The following LAMA1 variants were observed in gnomAD, a reference collection of about 807,000 sequenced individuals.
LAMA1 encodes laminin subunit alpha 1, also known as laminin subunit alpha-1.
LAMA1 carries 219 observed loss-of-function variants against 348.7 expected under a neutral mutation model. The ratio of observed to expected loss-of-function variants is 0.63; its 90% CI spans 0.56 to 0.70. The LOEUF (loss-of-function observed/expected upper bound fraction) is 0.70. Ranked by LOEUF, LAMA1 falls within the 30% of genes least tolerant of loss-of-function variation. LAMA1 has a pLI of 0.00. For missense variants in LAMA1, 3,744 were observed against 3,888.0 expected (o/e 0.96, Z 0.99); for synonymous variants, 1,487 against 1,491.0 (o/e 1.00, Z 0.06).
intron 55 of LAMA1, among the ~76,000 whole-genome samples, chr18:6,957,998 T>C (rs1489597313): frequency 6.6e-6 from 1 of 152,098 alleles, no homozygotes; most frequent in Non-Finnish European, 1.5e-5. Flanking sequence ...GCCAGGCTGG[T>C]CTCAAACTCC....
chr18:6,978,884 T>G (rs2057695525), intron 42 of LAMA1, among the ~76,000 whole-genome samples: 1 of 152,162 alleles, frequency 6.6e-6, no homozygotes. Flanking sequence ...GAAGAGGTAT[T>G]TGCCCATAGC....
chr18:7,100,022 G>A lies in LAMA1; in HGVS notation c.61+17638C>T, dbSNP rs192277798. Among the ~76,000 whole-genome samples, 594 of 127,708 alleles carry A rather than the reference G, an allele frequency of 4.7e-3. 9 individuals carry two copies. Among genetic ancestry groups the A allele is most frequent in the African/African-American group, 0.017 (563 of 33,344 alleles). 83.8% of individuals were successfully genotyped at this position (127,708 alleles called of 152,430 possible). ...TGCAGTGAGCCGAGATCGCGCCACTGCATTCCAGCCTGGGCAACAGAGCCA... is the reference window on the plus strand; with the variant it reads ...TGCAGTGAGCCGAGATCGCGCCACTACATTCCAGCCTGGGCAACAGAGCCA... On this transcript the variant is annotated intron_variant, in intron 1 of 62. Transcript: ENST00000389658.
chr18:7,098,734 C>CT (rs2058276026), intron 1 of LAMA1, among the ~76,000 whole-genome samples: 1 of 144,872 alleles, frequency 6.9e-6, no homozygotes. Context: ...GTCAGCCCCC[C>CT]GCCCGGCCAG....
intron 1 of LAMA1, among the ~76,000 whole-genome samples, chr18:7,090,365 TTTATGACTC>T (rs1468300741): frequency 6.6e-6 from 1 of 152,158 alleles, no homozygotes; most frequent in East Asian, 1.9e-4. Context: ...CAGTAGTTAT[TTTATGACTC>T]TAATAAAGAG....
chr18:7,073,730 T>C lies in LAMA1; in HGVS notation c.345+6245A>G, dbSNP rs143647783. Among the ~76,000 whole-genome samples the C allele has an allele frequency of 9.2e-5, 14 of 152,266 alleles. No individual in the cohort carries two copies. In the East Asian group the frequency reaches 2.7e-3, roughly 29 times the overall value. ...TAATGCTGCTCTGAACACTGGCATCTGTTTGAGTCCCTACTTTAAATTCTT... is the reference window on the plus strand; with the variant it reads ...TAATGCTGCTCTGAACACTGGCATCCGTTTGAGTCCCTACTTTAAATTCTT... On this transcript the variant is annotated intron_variant, in intron 3 of 62. Transcript: ENST00000389658.
chr18:7,102,336 G>A (rs1294222006), intron 1 of LAMA1, among the ~76,000 whole-genome samples: 1 of 151,972 alleles, frequency 6.6e-6, no homozygotes, highest in East Asian at 1.9e-4. Flanking sequence ...GGAGGAGGAA[G>A]TCTTAGCCCA....
Position 7,049,360 on chromosome 18 carries a change from C to A in LAMA1, c.589-103G>T, listed in dbSNP as rs146699857. Reference sequence around the variant, plus strand: ...TTTGGTCCAGGCTGGAGTGCAGTGGCACAATCTTGGCTCACTGTAACCTCC... The same window carrying A: ...TTTGGTCCAGGCTGGAGTGCAGTGGAACAATCTTGGCTCACTGTAACCTCC... On this transcript the variant is annotated intron_variant, in intron 4 of 62. Transcript: ENST00000389658. 5,027 of 1,060,678 alleles carry A rather than the reference C, an allele frequency of 4.7e-3. 21 individuals are homozygous for A. The highest frequency in any genetic ancestry group is 5.7e-3 in the Non-Finnish European group (4,032 of 703,124). The allele number at this position is 1,060,678 out of a possible 1,614,324, so 65.7% of individuals were successfully genotyped here.
chr18:7,116,465 G>A (rs2058356899), intron 1 of LAMA1, among the ~76,000 whole-genome samples: 1 of 152,154 alleles, frequency 6.6e-6, no homozygotes, highest in African/African-American at 2.4e-5. Flanking sequence ...TCCAGCTCCG[G>A]TCCAGTGCTT....
intron 56 of LAMA1, 157 bp from the exon 57 acceptor site, chr18:6,955,622 T>C (rs2057572768): frequency 2.9e-6 from 2 of 700,846 alleles, no homozygotes; most frequent in Admixed American, 4.0e-5. Flanking sequence ...TCGGTTTAAA[T>C]GATGCACTCG....
intron 1 of LAMA1, among the ~76,000 whole-genome samples, chr18:7,086,825 C>T (rs950620424): frequency 1.3e-5 from 2 of 152,134 alleles, no homozygotes; most frequent in African/African-American, 4.8e-5. Context: ...GCCTCAATTT[C>T]CTCAGCTATT....
Position 7,042,217 on chromosome 18 carries a change from A to AG in LAMA1, c.1188dup (p.Cys397LeufsTer2). The AG allele has an allele frequency of 6.2e-7, 1 of 1,611,696 alleles. No individual in the cohort carries two copies. The highest frequency in any genetic ancestry group is 1.6e-4 in the Middle Eastern group (1 of 6,062). The stretch of plus-strand genomic sequence containing the variant: ...AGGGACCCCACAGGGTCACAATTAC[A>AG]GGGGCGGCAAGGCTCATCCTCATAA... On this transcript the variant is annotated frameshift_variant, in exon 9 of 63. Coordinates refer to ENST00000389658, the MANE Select transcript of LAMA1 (RefSeq NM_005559.4). LOFTEE classifies it high-confidence loss of function.
Position 6,978,254 on chromosome 18 carries a change from G to C in LAMA1, c.6132C>G (p.Ser2044=), listed in dbSNP as rs753984841. Residue 2044 remains serine (S), a synonymous_variant, in exon 43 of 63, where the codon TCC becomes TCG. Transcript: ENST00000389658. ...TCTCTCGTAATGTGGTGTTGACCCT[G>C]GACAGGCTGGCAGATGTGTTCAGCA... ...QELLNTSASL[S]RVNTTLRETH... 1.9e-6 allele frequency: 3 copies of C among 1,614,208 alleles called. No homozygotes were observed. The highest frequency in any genetic ancestry group is 2.5e-6 in the Non-Finnish European group (3 of 1,180,044).
At chr18:7,027,626 T>A (rs1264048186) in intron 16 of LAMA1, among the ~76,000 whole-genome samples, 3 of 151,158 alleles carry the variant, frequency 2.0e-5, no homozygotes, top group Admixed American at 6.6e-5. Context: ...ATCATAGAGA[T>A]GATGGAATTG....
chr18:6,977,933 A>G (rs1419473208), intron 43 of LAMA1, 52 bp from the exon 44 acceptor site: 2 of 1,584,342 alleles, frequency 1.3e-6, no homozygotes, highest in African/African-American at 2.7e-5. Context: ...GAGAGGGAAA[A>G]ACAAGATAAT....
chr18:7,034,974 G>T (rs1251637237), intron 13 of LAMA1, among the ~76,000 whole-genome samples: 1 of 152,194 alleles, frequency 6.6e-6, no homozygotes, highest in Admixed American at 6.5e-5. Flanking sequence ...TTTTATCAAA[G>T]CAACCCATCT....
chr18:7,084,392 G>A (rs1471543226), intron 1 of LAMA1, among the ~76,000 whole-genome samples: 2 of 152,112 alleles, frequency 1.3e-5, no homozygotes, highest in East Asian at 3.9e-4. Flanking sequence ...AAAAATCAAG[G>A]GTAGAACGAG....
chr18:6,941,909 G>C lies in LAMA1; in HGVS notation c.*170C>G. 1 of 745,824 alleles carries C rather than the reference G, an allele frequency of 1.3e-6. No individual in the cohort carries two copies. The highest frequency in any genetic ancestry group is 2.3e-6 in the Non-Finnish European group (1 of 431,236). 46.2% of individuals were successfully genotyped at this position (745,824 alleles called of 1,614,324 possible). On this transcript the variant is annotated 3_prime_UTR_variant, in exon 63 of 63. Coordinates refer to ENST00000389658, the MANE Select transcript of LAMA1 (RefSeq NM_005559.4). ...AATTTACATTTTAGACCATTTAATGGAGGTATTTGTTGCACATGTGGTTTT... is the reference window on the plus strand; with the variant it reads ...AATTTACATTTTAGACCATTTAATGCAGGTATTTGTTGCACATGTGGTTTT...
At chr18:6,982,613 C>T (rs372457253) in intron 40 of LAMA1, 23 bp from the exon 41 acceptor site, 12 of 1,601,588 alleles carry the variant, frequency 7.5e-6, no homozygotes, top group East Asian at 6.7e-5. Context: ...ACCACTTAAG[C>T]GTGGTGAGAG....
At chr18:6,968,069 G>A (rs1285407966) in intron 48 of LAMA1, among the ~76,000 whole-genome samples, 1 of 152,136 alleles carries the variant, frequency 6.6e-6, no homozygotes, top group Non-Finnish European at 1.5e-5. Context: ...CTCAACAGTC[G>A]GCCCAGGTGC....
Sources: gnomAD v4.1 joint callset for allele counts (sites outside exome capture counted in the v4.1 genomes callset) on GRCh38, gnomAD v4.1.1 for gene constraint, MANE v1.5 for transcripts, NCBI Gene and HGNC (gene_info 2026-07-23, HGNC 2026-07-21) for gene names.